The following TCF4 variants were observed in gnomAD, a reference collection of about 807,000 sequenced individuals.
TCF4 encodes SL3-3 enhancer factor 2.
TCF4 carries 3 observed loss-of-function variants against 82.1 expected under a neutral mutation model. The observed-to-expected ratio is 0.04, with a 90% CI of 0.02 to 0.09. The LOEUF is 0.09. TCF4 is among the 10% of genes least tolerant of loss of function. TCF4 has a pLI of 1.00. For synonymous variants in TCF4, 276 were observed against 309.6 expected (o/e 0.89, Z 1.14); for missense variants, 518 against 852.7 (o/e 0.61, Z 4.89).
rs200800656 is a variant in TCF4, at chr18:55,275,721, G to A, written c.687C>T (p.Ser229=). ...AGCCAGGCTGATTCATCCCACTGGA[G>A]GAGCTCCAAGGGTCACTGCTGTGAT... ...DGHHSSDPWS[S]SSGMNQPGYA... The change falls in exon 10 of 20, where the codon TCC becomes TCT. Residue 229 remains serine (S), a synonymous_variant. Transcript: ENST00000354452. 1 of 1,613,850 alleles carries A rather than the reference G, an allele frequency of 6.2e-7. No individual in the cohort carries two copies. Among genetic ancestry groups the A allele is most frequent in the Admixed American group, 1.7e-5 (1 of 60,004 alleles).
intron 15 of TCF4, among the ~76,000 whole-genome samples, chr18:55,243,785 T>C (rs1018189248): frequency 2.6e-5 from 4 of 152,054 alleles, no homozygotes; most frequent in Admixed American, 6.5e-5. Context: ...TAGAGTCAGG[T>C]TGGAGAACAG....
At chr18:55,370,637 T>C (rs2088830109) in intron 6 of TCF4, among the ~76,000 whole-genome samples, 1 of 152,106 alleles carries the variant, frequency 6.6e-6, no homozygotes, top group South Asian at 2.1e-4. Context: ...ATGCTCAGAC[T>C]GTACATATAG....
chr18:55,333,409 G>A (rs543227780), intron 8 of TCF4, among the ~76,000 whole-genome samples: 1 of 151,066 alleles, frequency 6.6e-6, no homozygotes, highest in Admixed American at 6.6e-5. Context: ...TAATACTTGA[G>A]ATATTTTATC....
chr18:55,496,226 A>T (rs1218690872), intron 3 of TCF4: 1 of 152,188 alleles, frequency 6.6e-6, no homozygotes, highest in Non-Finnish European at 1.5e-5. Flanking sequence ...AAGAACCTAA[A>T]TTCAAGTGCT....
intron 3 of TCF4, among the ~76,000 whole-genome samples, chr18:55,564,544 CA>C (rs1469111961): frequency 2.6e-5 from 4 of 152,222 alleles, no homozygotes; most frequent in South Asian, 4.2e-4. Flanking sequence ...GATGGTAACA[CA>C]AATGATAAGG....
chr18:55,410,540 C>T (rs1462374131), intron 5 of TCF4, among the ~76,000 whole-genome samples: 1 of 152,024 alleles, frequency 6.6e-6, no homozygotes, highest in African/African-American at 2.4e-5. Context: ...ATTAAATGGG[C>T]ATTTTAGTCC....
intron 6 of TCF4, among the ~76,000 whole-genome samples, chr18:55,388,428 A>C (rs1400330942): frequency 1.3e-5 from 2 of 152,250 alleles, no homozygotes; most frequent in Non-Finnish European, 2.9e-5. Context: ...CGCTATTGCA[A>C]CTGGTACTTA....
rs757077767 is a variant in TCF4, at chr18:55,633,353, T to C, written c.196-1965A>G. Among the ~76,000 whole-genome samples, 1 of 152,148 alleles carries C rather than the reference T, an allele frequency of 6.6e-6. No individual in the cohort carries two copies. The highest frequency in any genetic ancestry group is 1.5e-5 in the Non-Finnish European group (1 of 68,032). On this transcript the variant is annotated intron_variant, in intron 1 of 20. Transcript: ENST00000398339. The surrounding 1 kb of genome is among the most constrained non-coding windows in gnomAD (Gnocchi z 4.0). ...CCATGTGGGACTCGCCACAGTCTGC[T>C]TGAGTGTCTTTATGATATGGGGGTT... is the stretch of plus-strand genomic sequence containing the variant.
chr18:55,431,117 C>T (rs968941803), intron 5 of TCF4, among the ~76,000 whole-genome samples: 14 of 152,128 alleles, frequency 9.2e-5, no homozygotes, highest in African/African-American at 7.2e-5. Context: ...AGAATAAAAA[C>T]GAAGCACATT....
intron 2 of TCF4, 82 bp from the exon 3 acceptor site, chr18:55,585,434 C>A (rs1203888643): frequency 8.0e-7 from 1 of 1,254,244 alleles, no homozygotes; most frequent in East Asian, 2.3e-5. Flanking sequence ...CATACTGTTA[C>A]CAAACAGCTT....
chr18:55,367,729 T>A (rs1245059678), intron 6 of TCF4, among the ~76,000 whole-genome samples: 1 of 152,140 alleles, frequency 6.6e-6, no homozygotes, highest in Admixed American at 6.6e-5. Context: ...GTGAAATGAG[T>A]GAAGTTTGCA....
intron 3 of TCF4, among the ~76,000 whole-genome samples, chr18:55,526,512 C>T (rs1459296384): frequency 6.6e-6 from 1 of 152,120 alleles, no homozygotes; most frequent in East Asian, 1.9e-4. Context: ...GTAAAGGTTA[C>T]TCTGGCTTCT....
chr18:55,460,502 A>G (rs570785170), intron 5 of TCF4, among the ~76,000 whole-genome samples: 1 of 152,310 alleles, frequency 6.6e-6, no homozygotes, highest in South Asian at 2.1e-4. Context: ...TTAGCACTAA[A>G]GTTCATGCCT....
chr18:55,405,494 T>C (rs570895802), intron 5 of TCF4, among the ~76,000 whole-genome samples: 2 of 152,266 alleles, frequency 1.3e-5, no homozygotes, highest in South Asian at 4.1e-4. Context: ...AGAAAAAGCA[T>C]CTATTTTTTT....
intron 3 of TCF4, 42 bp from the exon 4 acceptor site, chr18:55,464,179 T>C (rs949320313): frequency 6.3e-7 from 1 of 1,589,252 alleles, no homozygotes; most frequent in East Asian, 2.2e-5. Context: ...CTTGCAGTAA[T>C]TTTTTCTTTT....
intron 17 of TCF4, 76 bp from the exon 18 acceptor site, chr18:55,229,152 C>T: frequency 6.5e-7 from 1 of 1,546,566 alleles, no homozygotes. Context: ...TTGTTTTCTT[C>T]CAGAGTTTTC....
chr18:55,537,140 A>G (rs2146863440), intron 3 of TCF4, among the ~76,000 whole-genome samples: 1 of 151,292 alleles, frequency 6.6e-6, no homozygotes, highest in East Asian at 2.0e-4. Context: ...TCTCGGAAAA[A>G]AAAAAAAAAA....
At chr18:55,503,065 T>C (rs1391238852) in intron 3 of TCF4, among the ~76,000 whole-genome samples, 1 of 152,192 alleles carries the variant, frequency 6.6e-6, no homozygotes, top group Non-Finnish European at 1.5e-5. Context: ...AATGTCTCTT[T>C]TTGGAACTGC....
intron 2 of TCF4, among the ~76,000 whole-genome samples, chr18:55,615,341 T>G (rs555069821): frequency 1.3e-5 from 2 of 152,162 alleles, no homozygotes; most frequent in African/African-American, 4.8e-5. Context: ...AAATTTCTAA[T>G]TGTTCTTAGT....
Sources: gnomAD v4.1 joint callset for allele counts (sites outside exome capture counted in the v4.1 genomes callset) on GRCh38, gnomAD v4.1.1 for gene constraint, Gnocchi (gnomAD v3.1) non-coding constraint, MANE v1.5 for transcripts, NCBI Gene and HGNC (gene_info 2026-07-23, HGNC 2026-07-21) for gene names.